Variants in PXMP4 observed in about 807,000 individuals in gnomAD.
PXMP4 encodes peroxisomal membrane protein 4.
In PXMP4, 16 loss-of-function variants were observed where a neutral mutation model predicts 21.6. That is an observed-to-expected ratio of 0.74 (90% CI 0.50 to 1.13). The LOEUF is 1.13. Ranked by LOEUF, PXMP4 falls within the 50% of genes most tolerant of loss-of-function variation. PXMP4 has a pLI of 0.00. For missense variants in PXMP4, 240 were observed against 277.7 expected, an observed-to-expected ratio of 0.86 and a Z score of 0.96; for synonymous variants, 127 against 123.8, an observed-to-expected ratio of 1.03 and a Z score of -0.17.
rs1197164074 is a variant in PXMP4 at position 33,707,757 on chromosome 20, C to T, written c.588G>A (p.Trp196Ter). 1 of 1,614,140 alleles carries T rather than the reference C, an allele frequency of 6.2e-7. No individual in the cohort carries two copies. Among genetic ancestry groups the T allele is most frequent in the Admixed American group, 1.7e-5 (1 of 60,006 alleles). The stretch of plus-strand genomic sequence containing the variant: ...AGACGAGGAAGTCTGAGATGTCGTG[C>T]CATACATTGCTGTCCTCATAGAGGT... ...MTYLYEDSNV[W>*]HDISDFLVYN... Residue 196 changes from tryptophan to a stop codon, truncating the protein, a stop_gained, in exon 4 of 4, where the codon TGG becomes TGA. Coordinates refer to ENST00000409299, the MANE Select transcript of PXMP4 (RefSeq NM_007238.5). LOFTEE classifies it high-confidence loss of function.
rs1176181073 is a variant in PXMP4, at chr20:33,706,956, G to C, written c.*750C>G. 1 of 151,986 alleles carries C rather than the reference G, an allele frequency of 6.6e-6. No individual in the cohort carries two copies. The highest frequency in any genetic ancestry group is 1.5e-5 in the Non-Finnish European group (1 of 68,004). 9.4% of individuals were successfully genotyped at this position (151,986 alleles called of 1,614,324 possible). On this transcript the variant is annotated 3_prime_UTR_variant, in exon 4 of 4. Coordinates refer to ENST00000409299, the MANE Select transcript of PXMP4 (RefSeq NM_007238.5). ...CTGTCGCCCAGGCTGGAGTGCAGTG[G>C]CGTGATCTTTGCTCACTGTAGCCTC...
chr20:33,710,353 C>T (rs2018312311), intron 3 of PXMP4, among the ~76,000 whole-genome samples: 1 of 150,570 alleles, frequency 6.6e-6, no homozygotes, highest in Non-Finnish European at 1.5e-5. Context: ...TCCCCCACTC[C>T]TACCTCTATA....
chr20:33,719,716 G>T (rs2018425673), intron 1 of PXMP4, among the ~76,000 whole-genome samples: 1 of 152,210 alleles, frequency 6.6e-6, no homozygotes, highest in Non-Finnish European at 1.5e-5. Context: ...GGAGGCATCC[G>T]CCTGCCAGCT....
At chr20:33,719,085 G>A (rs899364821) in intron 1 of PXMP4, among the ~76,000 whole-genome samples, 1 of 152,156 alleles carries the variant, frequency 6.6e-6, no homozygotes, top group Non-Finnish European at 1.5e-5. Flanking sequence ...TGGTAGAAAC[G>A]GGGTTTTGCC....
chr20:33,710,897 C>G lies in PXMP4; in HGVS notation c.177-144G>C, dbSNP rs915293134. 8.7e-6 allele frequency: 7 copies of G among 806,046 alleles called. No individual in the cohort carries two copies. In the African/African-American group the frequency reaches 1.2e-4, roughly 14 times the overall value. The allele number at this position is 806,046 out of a possible 1,614,324, so 49.9% of individuals were successfully genotyped here. A position where few individuals can be genotyped will look rare whatever the true frequency, so the allele number is the denominator to read the frequency against. On this transcript the variant is annotated intron_variant, in intron 2 of 3. Transcript: ENST00000409299. ...CGGCCTCTACCCTTCATGTTCTCTCCCTTGATTCAGGCCTTGACTCAGTGC... is the reference window on the plus strand; with the variant it reads ...CGGCCTCTACCCTTCATGTTCTCTCGCTTGATTCAGGCCTTGACTCAGTGC...
rs1461190987 is a variant in PXMP4 at position 33,720,083 on chromosome 20, G to T, written c.113+12C>A. On this transcript the variant is annotated intron_variant, in intron 1 of 3. Coordinates refer to ENST00000409299, the MANE Select transcript of PXMP4 (RefSeq NM_007238.5). ...TCCCTCAGCCCCAGCCCGGCCCGACGGCCCCACTCACACAGCCCCGTTCCG... is the reference window on the plus strand; with the variant it reads ...TCCCTCAGCCCCAGCCCGGCCCGACTGCCCCACTCACACAGCCCCGTTCCG... 3.7e-6 allele frequency: 6 copies of T among 1,611,692 alleles called. No individual in the cohort carries two copies. The highest frequency in any genetic ancestry group is 3.3e-4 in the Middle Eastern group (2 of 6,038).
intron 1 of PXMP4, among the ~76,000 whole-genome samples, chr20:33,717,660 T>TAAAAAAAAAAAAAAAAAAAAAAAA (rs2018398410): frequency 9.2e-6 from 1 of 109,054 alleles, no homozygotes; most frequent in African/African-American, 4.1e-5. Flanking sequence ...AAAAAAAAAT[T>TAAAAAAAAAAAAAAAAAAAAAAAA]ATTAAATATT....
intron 1 of PXMP4, among the ~76,000 whole-genome samples, chr20:33,714,984 C>T (rs930980866): frequency 1.3e-5 from 2 of 152,080 alleles, no homozygotes; most frequent in Non-Finnish European, 2.9e-5. Context: ...AATTATTTAG[C>T]GACAGAGCCT....
intron 3 of PXMP4, among the ~76,000 whole-genome samples, chr20:33,708,712 A>G (rs543872542): frequency 6.7e-6 from 1 of 150,008 alleles, no homozygotes; most frequent in East Asian, 2.0e-4. Context: ...TTTTTTTGAG[A>G]CAGAGTCTTG....
At chr20:33,708,456 G>A (rs1298796711) in intron 3 of PXMP4, among the ~76,000 whole-genome samples, 2 of 151,754 alleles carry the variant, frequency 1.3e-5, no homozygotes, top group African/African-American at 2.4e-5. Context: ...CAAAGTGCTG[G>A]GATTACAGGT....
At chr20:33,719,678 G>C (rs1347216136) in intron 1 of PXMP4, among the ~76,000 whole-genome samples, 1 of 152,178 alleles carries the variant, frequency 6.6e-6, no homozygotes, top group Non-Finnish European at 1.5e-5. Flanking sequence ...CAAGCCCATG[G>C]GCAAGCTTCA....
chr20:33,715,969 C>T (rs4911360), intron 1 of PXMP4, among the ~76,000 whole-genome samples: 76,943 of 150,670 alleles, frequency 0.51, 20,662 homozygotes, highest in East Asian at 0.75. Flanking sequence ...CTCAGCCTCC[C>T]GAGTAGCTGG....
At chr20:33,716,217 A>G (rs1007002633) in intron 1 of PXMP4, among the ~76,000 whole-genome samples, 4 of 152,044 alleles carry the variant, frequency 2.6e-5, no homozygotes, top group African/African-American at 9.7e-5. Context: ...ACACCTTTCC[A>G]CTACTCACAG....
At position 33,707,715 on chromosome 20, in the gene PXMP4, G is replaced by A; in HGVS notation, c.630C>T (p.Pro210=). The change falls in exon 4 of 4, where the codon CCC becomes CCT. Residue 210 remains proline (P), a synonymous_variant. Transcript: ENST00000409299. ...ACACCTCAGGGCTGCATTAATTGGA[G>A]GGACGGCTCTTGTTATAGACGAGGA... ...SDFLVYNKSR[P]SN The A allele has an allele frequency of 6.2e-7, 1 of 1,613,728 alleles. No homozygotes were observed. The highest frequency in any genetic ancestry group is 8.5e-7 in the Non-Finnish European group (1 of 1,179,768).
intron 3 of PXMP4, among the ~76,000 whole-genome samples, chr20:33,709,660 A>G (rs2018300161): frequency 6.6e-6 from 1 of 151,692 alleles, no homozygotes; most frequent in Admixed American, 6.6e-5. Flanking sequence ...TATCATCTTA[A>G]TCACCTCCAC....
chr20:33,710,646 A>T lies in PXMP4; in HGVS notation c.284T>A (p.Ile95Lys). Residue 95 changes from isoleucine to lysine, a missense_variant, in exon 3 of 4, where the codon ATA (isoleucine) becomes AAA (lysine). Transcript: ENST00000409299. Reference sequence around the variant, plus strand: ...GTGTGCTGGGTAGGTCTTGCCTTGTATGTAGGACTGCAGGGCACGGAGACC... The same window carrying T: ...GTGTGCTGGGTAGGTCTTGCCTTGTTTGTAGGACTGCAGGGCACGGAGACC... ...YKGLRALQSY[I>K]QGKTYPAHAF... 3.7e-6 allele frequency: 6 copies of T among 1,613,934 alleles called. No homozygotes were observed. The highest frequency in any genetic ancestry group is 5.1e-6 in the Non-Finnish European group (6 of 1,179,950).
At chr20:33,716,119 C>T (rs1442969717) in intron 1 of PXMP4, among the ~76,000 whole-genome samples, 1 of 152,172 alleles carries the variant, frequency 6.6e-6, no homozygotes, top group Non-Finnish European at 1.5e-5. Context: ...GCTGGGATTA[C>T]AGGCGTGAGC....
chr20:33,707,461 GT>G lies in PXMP4; in HGVS notation c.*244del. 1 of 523,928 alleles carries G rather than the reference GT, an allele frequency of 1.9e-6. No individual in the cohort carries two copies. Among genetic ancestry groups the G allele is most frequent in the South Asian group, 2.2e-5 (1 of 44,506 alleles). The allele number at this position is 523,928 out of a possible 1,614,324, so 32.5% of individuals were successfully genotyped here. Reference sequence around the variant, plus strand: ...CTAGAGAGTAGTGTGGCTGGCCCCAGTCTCACAGAAGTCAGCTGCACAGCTG... The same window carrying G: ...CTAGAGAGTAGTGTGGCTGGCCCCAGCTCACAGAAGTCAGCTGCACAGCTG... On this transcript the variant is annotated 3_prime_UTR_variant, in exon 4 of 4. Transcript: ENST00000409299.
chr20:33,715,180 G>A (rs373396714), intron 1 of PXMP4, among the ~76,000 whole-genome samples: 11 of 152,086 alleles, frequency 7.2e-5, no homozygotes, highest in African/African-American at 2.4e-4. Context: ...TCACTCTGTC[G>A]CCCAGGCTGG....
Sources: allele counts gnomAD v4.1 joint callset (sites outside exome capture counted in the v4.1 genomes callset), GRCh38; gene constraint gnomAD v4.1.1; transcripts MANE v1.5; gene names NCBI Gene and HGNC (gene_info 2026-07-23, HGNC 2026-07-21).